Variants in PIP5K1B observed in about 807,000 individuals in gnomAD.
PIP5K1B encodes the protein phosphatidylinositol-4-phosphate 5-kinase type 1 beta.
In PIP5K1B, 42 loss-of-function variants were observed where a neutral mutation model predicts 67.0. The observed-to-expected ratio is 0.63, with a 90% CI of 0.49 to 0.81. The LOEUF (loss-of-function observed/expected upper bound fraction) is 0.81, where lower values mean the gene tolerates loss of function less well. Among genes scored for constraint, PIP5K1B ranks in the 30% least tolerant of loss-of-function variants. The probability of loss-of-function intolerance (pLI) is 0.00; values close to 1 mark genes in which losing one functional copy is unlikely to be tolerated. For synonymous variants in PIP5K1B, 214 were observed against 231.4 expected, an observed-to-expected ratio of 0.92 and a Z score of 0.68; for missense variants, 459 against 646.3, an observed-to-expected ratio of 0.71 and a Z score of 3.14.
At position 68,710,156 on chromosome 9, in the gene PIP5K1B, T is replaced by C. The variant is rs1267236827; in HGVS notation, c.-243+4394T>C. On this transcript the variant is annotated intron_variant, in intron 1 of 15. Transcript: ENST00000265382. ...TCAGTAGATTCTGTAAAACATCAAGTCCTAAATGTATTTGTTGCTGAAACA... is the reference window on the plus strand; with the variant it reads ...TCAGTAGATTCTGTAAAACATCAAGCCCTAAATGTATTTGTTGCTGAAACA... Among the ~76,000 whole-genome samples, 4 of 152,334 alleles carry C rather than the reference T, an allele frequency of 2.6e-5. No individual in the cohort carries two copies. The East Asian group carries it at 7.7e-4, about 29-fold the overall frequency.
chr9:69,002,390 C>T (rs1221052001), intron 15 of PIP5K1B, among the ~76,000 whole-genome samples: 5 of 152,112 alleles, frequency 3.3e-5, no homozygotes, highest in Non-Finnish European at 5.9e-5. Context: ...CAATGCAGTT[C>T]CATAGCACTG....
chr9:68,854,933 A>G (rs900488915), intron 4 of PIP5K1B, among the ~76,000 whole-genome samples: 3 of 152,172 alleles, frequency 2.0e-5, no homozygotes, highest in South Asian at 2.1e-4. Flanking sequence ...TAAACTTAAC[A>G]TAGTATCTTA....
At chr9:68,999,177 A>G (rs1265788474) in intron 15 of PIP5K1B, among the ~76,000 whole-genome samples, 1 of 152,094 alleles carries the variant, frequency 6.6e-6, no homozygotes, top group Non-Finnish European at 1.5e-5. Context: ...CTCTCTTCTT[A>G]TAAGGATGTC....
At chr9:68,768,873 G>A (rs150697208) in intron 2 of PIP5K1B, among the ~76,000 whole-genome samples, 178 of 152,154 alleles carry the variant, frequency 1.2e-3, no homozygotes, top group Admixed American at 3.9e-3. Context: ...ATCTGTTGTT[G>A]GCCCTTGGAG....
intron 2 of PIP5K1B, among the ~76,000 whole-genome samples, chr9:68,759,639 AAC>A (rs1043781413): frequency 6.6e-6 from 1 of 152,080 alleles, no homozygotes; most frequent in African/African-American, 2.4e-5. Flanking sequence ...CCAATTAAAA[AAC>A]AGATTGTCAG....
At chr9:68,985,871 T>G (rs558735165) in intron 14 of PIP5K1B, among the ~76,000 whole-genome samples, 1 of 152,384 alleles carries the variant, frequency 6.6e-6, no homozygotes, top group Non-Finnish European at 1.5e-5. Flanking sequence ...TAATATGTGG[T>G]CCTCTATGAC....
chr9:68,886,652 G>A (rs188363800), intron 6 of PIP5K1B, among the ~76,000 whole-genome samples: 23 of 152,286 alleles, frequency 1.5e-4, no homozygotes, highest in Admixed American at 2.6e-4. Context: ...TTTTATCCGC[G>A]GAACCAGGAA....
At chr9:68,841,649 CA>C (rs912481861) in intron 4 of PIP5K1B, among the ~76,000 whole-genome samples, 5 of 151,150 alleles carry the variant, frequency 3.3e-5, no homozygotes, top group South Asian at 2.1e-4. Context: ...TAACTTGGGA[CA>C]AAAAAAAGGA....
chr9:68,973,694 T>C (rs1829502502), intron 14 of PIP5K1B, among the ~76,000 whole-genome samples: 1 of 152,172 alleles, frequency 6.6e-6, no homozygotes, highest in Admixed American at 6.5e-5. Flanking sequence ...ATTTATTCAG[T>C]GTGATGTGGT....
intron 8 of PIP5K1B, among the ~76,000 whole-genome samples, chr9:68,916,422 G>A (rs904694779): frequency 2.0e-5 from 3 of 152,138 alleles, no homozygotes; most frequent in African/African-American, 7.2e-5. Context: ...TCTTTTCAGA[G>A]CATTGCCATC....
At chr9:68,808,649 G>C (rs943038646) in intron 2 of PIP5K1B, among the ~76,000 whole-genome samples, 1 of 152,198 alleles carries the variant, frequency 6.6e-6, no homozygotes, top group Non-Finnish European at 1.5e-5. Context: ...CACAACCTTT[G>C]TTGGGAAAAT....
chr9:68,876,882 C>G, intron 6 of PIP5K1B, 88 bp downstream of exon 6: 1 of 746,352 alleles, frequency 1.3e-6, no homozygotes, highest in Non-Finnish European at 2.4e-6. Context: ...GCTTGTGTCT[C>G]TCATTTTATA....
At chr9:68,932,776 C>T (rs1290650986) in intron 12 of PIP5K1B, among the ~76,000 whole-genome samples, 1 of 152,068 alleles carries the variant, frequency 6.6e-6, no homozygotes, top group Admixed American at 6.6e-5. Flanking sequence ...CCTTAGTTTC[C>T]ACCCCACATC....
intron 2 of PIP5K1B, chr9:68,788,297 G>T (rs2132486104): frequency 1.5e-6 from 1 of 662,086 alleles, no homozygotes; most frequent in South Asian, 1.5e-5. Context: ...TCCCTCTGCA[G>T]ACTCTCCCTT....
intron 11 of PIP5K1B, among the ~76,000 whole-genome samples, chr9:68,920,736 T>G (rs1371890899): frequency 6.6e-6 from 1 of 151,648 alleles, no homozygotes; most frequent in Non-Finnish European, 1.5e-5. Flanking sequence ...CCCATCTTTC[T>G]CTCTCCTTCT....
rs149346510 is a variant in PIP5K1B at position 68,740,778 on chromosome 9, T to A, written c.-242-1723T>A. Among the ~76,000 whole-genome samples the A allele has an allele frequency of 1.8e-4, 27 of 152,348 alleles. No individual in the cohort carries two copies. In the East Asian group the frequency reaches 5.2e-3, roughly 29 times the overall value. ...CGTATTTCCTTATGAAGTTCATTAG[T>A]CTCTGACTCTAGGCAACGTGATATA... is the stretch of plus-strand genomic sequence containing the variant. On this transcript the variant is annotated intron_variant, in intron 1 of 15. Coordinates refer to ENST00000265382, the MANE Select transcript of PIP5K1B (RefSeq NM_003558.4).
At chr9:68,982,510 A>C (rs11144639) in intron 14 of PIP5K1B, among the ~76,000 whole-genome samples, 25,323 of 152,030 alleles carry the variant, frequency 0.17, 2,623 homozygotes, top group East Asian at 0.44. Flanking sequence ...TAATCCCAGC[A>C]CTCTGGGAGG....
At position 68,813,754 on chromosome 9, in the gene PIP5K1B, C is replaced by T. The variant is rs12351727; in HGVS notation, c.-85-4707C>T. Among the ~76,000 whole-genome samples, 756 of 152,076 alleles carry T rather than the reference C, an allele frequency of 5.0e-3. 6 individuals carry two copies. The highest frequency in any genetic ancestry group is 0.017 in the African/African-American group (724 of 41,486). On this transcript the variant is annotated intron_variant, in intron 2 of 15. Coordinates refer to ENST00000265382, the MANE Select transcript of PIP5K1B (RefSeq NM_003558.4). ...GAGAAGCGCTAAATGGTGACAGAGG[C>T]CAGGGCTGGAGTAACACAGTGGCAA...
intron 2 of PIP5K1B, chr9:68,781,100 T>C (rs1587437192): frequency 1.3e-6 from 2 of 1,512,382 alleles, no homozygotes; most frequent in East Asian, 2.3e-5. Context: ...CACTGAACTT[T>C]GTCAATTAAT....
Sources: gnomAD v4.1 joint callset for allele counts (sites outside exome capture counted in the v4.1 genomes callset) on GRCh38, gnomAD v4.1.1 for gene constraint, MANE v1.5 for transcripts, NCBI Gene and HGNC (gene_info 2026-07-23, HGNC 2026-07-21) for gene names.